Variants in USP34 observed in about 807,000 individuals in gnomAD.
USP34 encodes the protein ubiquitin specific peptidase 34, also known as ubiquitin carboxyl-terminal hydrolase 34.
A neutral mutation model predicts 460.3 loss-of-function variants in USP34; 70 were observed. The observed-to-expected ratio is 0.15, with a 90% confidence interval of 0.13 to 0.19. USP34 has a LOEUF of 0.19. USP34 is among the 10% of genes least tolerant of loss of function. The probability of loss-of-function intolerance (pLI) is 1.00; values close to 1 mark genes in which losing one functional copy is unlikely to be tolerated. For synonymous variants in USP34, 1,647 were observed against 1,405.3 expected (o/e 1.17, Z -3.85); for missense variants, 3,985 against 4,236.2 (o/e 0.94, Z 1.65).
At chr2:61,278,531 A>G in intron 39 of USP34, 88 bp from the exon 40 acceptor site, 1 of 1,056,680 alleles carries the variant, frequency 9.5e-7, no homozygotes, top group Non-Finnish European at 1.3e-6. Context: ...CCTTATAGGT[A>G]ACAATAATTT....
At chr2:61,457,833 G>A (rs889451169) in intron 1 of USP34, among the ~76,000 whole-genome samples, 9 of 152,142 alleles carry the variant, frequency 5.9e-5, no homozygotes, top group African/African-American at 1.7e-4. Flanking sequence ...GAGTGACAGA[G>A]TGAGACCCTG....
At chr2:61,363,001 A>G (rs1048328026) in intron 10 of USP34, among the ~76,000 whole-genome samples, 1 of 152,192 alleles carries the variant, frequency 6.6e-6, no homozygotes, top group African/African-American at 2.4e-5. Context: ...TTTTTTGTAA[A>G]ACTCAAAAGA....
intron 48 of USP34, among the ~76,000 whole-genome samples, chr2:61,254,979 G>A (rs1011952300): frequency 6.6e-6 from 1 of 152,130 alleles, no homozygotes; most frequent in African/African-American, 2.4e-5. Flanking sequence ...CCGAACAGCT[G>A]AGACTGTAAG....
Position 61,343,890 on chromosome 2 carries a change from G to A in USP34, c.2425C>T (p.His809Tyr), listed in dbSNP as rs1691680883. The change falls in exon 16 of 80, where the codon CAT becomes TAT. Residue 809 changes from histidine (H) to tyrosine (Y), a missense_variant. Coordinates refer to ENST00000398571, the MANE Select transcript of USP34 (RefSeq NM_014709.4). ...TGGAGGTGAGATGTCAGTTCCGCAT[G>A]TGAATTAATCTGAACTAGCTCCTCT... Reference protein sequence around the residue: ...CEEELVQINSHAELTSHLQQH... With the variant: ...CEEELVQINSYAELTSHLQQH... 1 of 1,614,006 alleles carries A rather than the reference G, an allele frequency of 6.2e-7. No homozygotes were observed. The highest frequency in any genetic ancestry group is 8.5e-7 in the Non-Finnish European group (1 of 1,179,944).
chr2:61,255,077 T>C (rs1416520542), intron 48 of USP34, among the ~76,000 whole-genome samples: 1 of 152,172 alleles, frequency 6.6e-6, no homozygotes, highest in African/African-American at 2.4e-5. Flanking sequence ...CAAGTGCACA[T>C]CCTTGAACTC....
At chr2:61,393,978 G>A (rs1421885616) in intron 5 of USP34, among the ~76,000 whole-genome samples, 9 of 151,924 alleles carry the variant, frequency 5.9e-5, no homozygotes, top group Non-Finnish European at 1.2e-4. Flanking sequence ...GAAATTAGCC[G>A]GGCATGGTGG....
In USP34 at chr2:61,434,226, T is replaced by A. The variant is rs186514724; in HGVS notation, c.44-13393A>T. 3.3e-4 allele frequency among the ~76,000 whole-genome samples: 50 copies of A among 152,166 alleles called. 1 individual carries two copies. On this transcript the variant is annotated intron_variant, in intron 1 of 79. Coordinates refer to ENST00000398571, the MANE Select transcript of USP34 (RefSeq NM_014709.4). The stretch of plus-strand genomic sequence containing the variant: ...CTCCCGAACAGCCCTGCGCCCCCAA[T>A]AAGGGCCTCAGAAACATTACCACAG...
At chr2:61,217,760 C>T (rs1392803536) in intron 67 of USP34, among the ~76,000 whole-genome samples, 1 of 152,242 alleles carries the variant, frequency 6.6e-6, no homozygotes, top group East Asian at 1.9e-4. Context: ...TGAGACCAGC[C>T]TGACCAATAC....
intron 5 of USP34, among the ~76,000 whole-genome samples, chr2:61,387,787 C>A (rs1210476053): frequency 2.1e-5 from 3 of 144,478 alleles, no homozygotes; most frequent in Non-Finnish European, 4.5e-5. Context: ...TACGTATACA[C>A]ACATGTAAAA....
At chr2:61,244,769 T>G (rs1391309415) in intron 51 of USP34, among the ~76,000 whole-genome samples, 1 of 152,170 alleles carries the variant, frequency 6.6e-6, no homozygotes, top group Non-Finnish European at 1.5e-5. Flanking sequence ...CCAACTTCCT[T>G]GCCAAACATT....
In USP34 at chr2:61,205,569, A is replaced by G. The variant is rs146794846; in HGVS notation, c.9154+448T>C. On this transcript the variant is annotated intron_variant, in intron 72 of 79. Transcript: ENST00000398571. ...AATGGGTGTCTTTTAAAAGCCACAA[A>G]TTAGCATTTTATTATAAATATGCAA... Among the ~76,000 whole-genome samples, 9 of 152,362 alleles carry G rather than the reference A, an allele frequency of 5.9e-5. No individual in the cohort carries two copies. The East Asian group carries it at 1.7e-3, about 29-fold the overall frequency.
chr2:61,406,811 C>A (rs1254359656), intron 2 of USP34, among the ~76,000 whole-genome samples: 1 of 151,604 alleles, frequency 6.6e-6, no homozygotes, highest in African/African-American at 2.4e-5. Flanking sequence ...TCGAAACCAG[C>A]CTGACCAACA....
chr2:61,302,165 G>A (rs1043846618), intron 27 of USP34, among the ~76,000 whole-genome samples: 1 of 152,106 alleles, frequency 6.6e-6, no homozygotes. Context: ...GGAAAATTAA[G>A]CAAAATTAAA....
At chr2:61,378,902 C>T (rs1208348783) in intron 7 of USP34, among the ~76,000 whole-genome samples, 1 of 45,452 alleles carries the variant, frequency 2.2e-5, no homozygotes, top group African/African-American at 7.5e-5. Flanking sequence ...GAGAGTCCAT[C>T]TCAAAAAAAC....
chr2:61,248,222 A>G (rs1372772511), intron 49 of USP34, among the ~76,000 whole-genome samples: 1 of 151,414 alleles, frequency 6.6e-6, no homozygotes, highest in Non-Finnish European at 1.5e-5. Context: ...ACAAAAAACA[A>G]CATAAAAAGA....
At chr2:61,265,754 G>C in intron 42 of USP34, 197 bp from the exon 43 acceptor site, 1 of 700,716 alleles carries the variant, frequency 1.4e-6, no homozygotes, top group East Asian at 3.3e-5. Flanking sequence ...TTTAAAACTT[G>C]ATTTTACTTG....
At chr2:61,196,237 T>G (rs942555073) in intron 75 of USP34, among the ~76,000 whole-genome samples, 1 of 150,898 alleles carries the variant, frequency 6.6e-6, no homozygotes, top group Non-Finnish European at 1.5e-5. Flanking sequence ...CCCGCCACCA[T>G]GCCTGGCTAA....
At chr2:61,437,705 G>A (rs548667790) in intron 1 of USP34, among the ~76,000 whole-genome samples, 53 of 151,828 alleles carry the variant, frequency 3.5e-4, no homozygotes, top group Non-Finnish European at 6.3e-4. Context: ...CACGGGAGGC[G>A]GAGCTTGCAG....
intron 75 of USP34, among the ~76,000 whole-genome samples, chr2:61,202,248 A>G (rs757133115): frequency 1.3e-5 from 2 of 152,178 alleles, no homozygotes; most frequent in Non-Finnish European, 2.9e-5. Context: ...GGAGAGGGCT[A>G]CGACTGATGA....
Sources: gnomAD v4.1 joint callset for allele counts (sites outside exome capture counted in the v4.1 genomes callset) on GRCh38, gnomAD v4.1.1 for gene constraint, MANE v1.5 for transcripts, NCBI Gene and HGNC (gene_info 2026-07-23, HGNC 2026-07-21) for gene names.